Variants in PCSK5 observed in about 807,000 individuals in gnomAD.
PCSK5 encodes the protein proprotein convertase subtilisin/kexin type 5, also known as prohormone convertase 5.
In PCSK5, 129 loss-of-function variants were observed where a neutral mutation model predicts 233.2. The observed-to-expected ratio is 0.55, with a 90% CI of 0.48 to 0.64. The LOEUF (loss-of-function observed/expected upper bound fraction) is 0.64. Ranked by LOEUF, PCSK5 falls within the 30% of genes least tolerant of loss-of-function variation. PCSK5 has a pLI of 0.00. For synonymous variants in PCSK5, 825 were observed against 879.2 expected (o/e 0.94, Z 1.09); for missense variants, 2,076 against 2,430.1 (o/e 0.85, Z 3.06).
At chr9:75,915,722 A>G (rs1822958573) in intron 1 of PCSK5, among the ~76,000 whole-genome samples, 2 of 152,216 alleles carry the variant, frequency 1.3e-5, no homozygotes, top group Non-Finnish European at 2.9e-5. Flanking sequence ...TATTAAATGC[A>G]CTTTCTTCAT....
intron 7 of PCSK5, among the ~76,000 whole-genome samples, chr9:76,087,724 G>C (rs889140226): frequency 2.0e-5 from 3 of 152,158 alleles, no homozygotes; most frequent in African/African-American, 7.2e-5. Flanking sequence ...GATAACTTCA[G>C]TGCATCATTA....
intron 35 of PCSK5, among the ~76,000 whole-genome samples, chr9:76,342,292 C>A (rs979492578): frequency 6.6e-6 from 1 of 152,090 alleles, no homozygotes; most frequent in African/African-American, 2.4e-5. Flanking sequence ...CTCTACTAAT[C>A]CAAATGCCTG....
At chr9:76,118,907 T>C (rs1173432407) in intron 9 of PCSK5, among the ~76,000 whole-genome samples, 1 of 152,110 alleles carries the variant, frequency 6.6e-6, no homozygotes, top group Non-Finnish European at 1.5e-5. Context: ...GCATACTTTG[T>C]CTTTAATCTG....
At chr9:76,329,352 G>T (rs1206510396) in intron 33 of PCSK5, among the ~76,000 whole-genome samples, 3 of 150,666 alleles carry the variant, frequency 2.0e-5, no homozygotes, top group Admixed American at 1.3e-4. Context: ...AGAGACAAGG[G>T]TCTCACTGTG....
At chr9:75,959,143 A>G (rs1825224099) in intron 2 of PCSK5, among the ~76,000 whole-genome samples, 1 of 152,254 alleles carries the variant, frequency 6.6e-6, no homozygotes, top group African/African-American at 2.4e-5. Context: ...AAGAGCACAC[A>G]AAATTGAATC....
At chr9:75,920,688 C>T (rs1823217345) in intron 1 of PCSK5, among the ~76,000 whole-genome samples, 1 of 151,994 alleles carries the variant, frequency 6.6e-6, no homozygotes, top group South Asian at 2.1e-4. Flanking sequence ...CACCTGTAAT[C>T]CCAGTTACTC....
At chr9:76,332,860 C>T (rs943147134) in intron 34 of PCSK5, among the ~76,000 whole-genome samples, 8 of 152,210 alleles carry the variant, frequency 5.3e-5, no homozygotes, top group Admixed American at 1.3e-4. Context: ...TCTTCCTCAA[C>T]GACAGTCCTT....
At chr9:76,042,875 C>T (rs893932863) in intron 5 of PCSK5, among the ~76,000 whole-genome samples, 5 of 152,134 alleles carry the variant, frequency 3.3e-5, no homozygotes, top group African/African-American at 1.2e-4. Context: ...GCCTGTAATT[C>T]CTTCCCATGA....
At chr9:76,275,246 C>G (rs1827653531) in intron 24 of PCSK5, among the ~76,000 whole-genome samples, 1 of 152,118 alleles carries the variant, frequency 6.6e-6, no homozygotes, top group South Asian at 2.1e-4. Context: ...GTCTCTTCCT[C>G]CTGAAAAGTT....
rs1830373803 is a variant in PCSK5 at position 76,358,914 on chromosome 9, T to A, written c.5656T>A (p.Tyr1886Asn). The change falls in exon 38 of 38, where the codon TAC becomes AAC. Residue 1886 changes from tyrosine (Y) to asparagine (N), a missense_variant. By Grantham distance (143) the Tyr-to-Asn change is moderately radical (BLOSUM62 -2). Transcript: ENST00000674117. Reference sequence around the variant, plus strand: ...ATATGATGACGAGAGTTACTCCTACTACCAGTAAACAGGCACTCCCCCACC... The same window carrying A: ...ATATGATGACGAGAGTTACTCCTACAACCAGTAAACAGGCACTCCCCCACC... ...LEYDDESYSY[Y>N]Q 3 of 1,611,896 alleles carry A rather than the reference T, an allele frequency of 1.9e-6. No individual in the cohort carries two copies. The highest frequency in any genetic ancestry group is 1.1e-5 in the South Asian group (1 of 91,024).
At position 75,932,194 on chromosome 9, in the gene PCSK5, CAT is replaced by C. The variant is rs1419259475; in HGVS notation, c.193-184_193-183del. Among the ~76,000 whole-genome samples the C allele has an allele frequency of 2.6e-5, 4 of 152,218 alleles. 1 individual carries two copies. The highest frequency in any genetic ancestry group is 9.6e-5 in the African/African-American group (4 of 41,454). On this transcript the variant is annotated intron_variant, in intron 1 of 37. Transcript: ENST00000674117. ...CTCAAGGACACTCCATTTCATATCACATGTCTTTCTTTTGAAAAGTGATCACC... is the reference window on the plus strand; with the variant it reads ...CTCAAGGACACTCCATTTCATATCACGTCTTTCTTTTGAAAAGTGATCACC...
chr9:76,165,964 C>T (rs1442163904), intron 12 of PCSK5, among the ~76,000 whole-genome samples: 2 of 152,216 alleles, frequency 1.3e-5, no homozygotes, highest in Non-Finnish European at 2.9e-5. Flanking sequence ...CAAAGCAAAC[C>T]TACAAGCTAT....
chr9:75,973,103 C>T lies in PCSK5; in HGVS notation c.298-13029C>T, dbSNP rs138775257. Among the ~76,000 whole-genome samples, 934 of 152,204 alleles carry T rather than the reference C, an allele frequency of 6.1e-3. 5 individuals carry two copies. Among genetic ancestry groups the T allele is most frequent in the Middle Eastern group, 0.027 (8 of 292 alleles). On this transcript the variant is annotated intron_variant, in intron 2 of 37. Coordinates refer to ENST00000674117, the MANE Select transcript of PCSK5 (RefSeq NM_001372043.1). ...TGGTAAAAAAAATGGATGATTCTTC[C>T]ATGGGACAGTTTGGTGGCATTAAGG...
chr9:76,014,960 G>C (rs1168628314), intron 3 of PCSK5, among the ~76,000 whole-genome samples: 1 of 152,160 alleles, frequency 6.6e-6, no homozygotes, highest in Non-Finnish European at 1.5e-5. Flanking sequence ...GAAAGAGAGA[G>C]AAAGAGAGGG....
rs146929307 is a variant in PCSK5 at position 76,358,578 on chromosome 9, A to T, written c.5320A>T (p.Ile1774Phe). The stretch of plus-strand genomic sequence containing the variant: ...TGAGCATTTCAAGACAGCTCTGTTC[A>T]TCACCTCCTCCATGATGCTGGTGCT... ...ATEHFKTALF[I>F]TSSMMLVLLL... The change falls in exon 38 of 38, where the codon ATC becomes TTC. Residue 1774 changes from isoleucine to phenylalanine, a missense_variant. Physicochemically the swap from Ile to Phe is conservative, Grantham distance 21 (BLOSUM62 0). Around this residue, in one of 6 missense-constraint regions of PCSK5, gnomAD observed 1,510 missense variants for 1,538.1 expected, o/e 0.98. Coordinates refer to ENST00000674117, the MANE Select transcript of PCSK5 (RefSeq NM_001372043.1). 1.5e-3 allele frequency: 2,389 copies of T among 1,612,742 alleles called. 15 individuals carry two copies. In the African/African-American group the frequency reaches 0.02, roughly 13 times the overall value.
chr9:76,203,620 A>G (rs943907955), intron 20 of PCSK5, among the ~76,000 whole-genome samples: 16 of 152,064 alleles, frequency 1.1e-4, no homozygotes, highest in Admixed American at 2.0e-4. Flanking sequence ...CTTGATTTCA[A>G]TCTTGTAAAA....
chr9:76,076,407 A>G (rs1323737096), intron 7 of PCSK5, among the ~76,000 whole-genome samples: 1 of 152,164 alleles, frequency 6.6e-6, no homozygotes, highest in African/African-American at 2.4e-5. Context: ...TGCTGTGTAA[A>G]CAGTAACTGT....
At chr9:76,328,774 G>C (rs1249964372) in intron 33 of PCSK5, among the ~76,000 whole-genome samples, 1 of 152,020 alleles carries the variant, frequency 6.6e-6, no homozygotes, top group East Asian at 1.9e-4. Flanking sequence ...ATTCAGGCTA[G>C]AGTCAGTTGT....
chr9:76,264,543 G>A (rs1827276572), intron 24 of PCSK5, among the ~76,000 whole-genome samples: 1 of 151,926 alleles, frequency 6.6e-6, no homozygotes, highest in South Asian at 2.1e-4. Context: ...TTAACATCCA[G>A]AATCTACAAA....
Sources: gnomAD v4.1 joint callset for allele counts (sites outside exome capture counted in the v4.1 genomes callset) on GRCh38, gnomAD v4.1.1 for gene constraint, gnomAD v4.1.1 regional missense constraint, MANE v1.5 for transcripts, NCBI Gene and HGNC (gene_info 2026-07-23, HGNC 2026-07-21) for gene names.